Variants in SIPA1L1 observed in about 807,000 individuals in gnomAD.
SIPA1L1 encodes signal-induced proliferation-associated 1-like protein 1.
SIPA1L1 carries 26 observed loss-of-function variants against 162.7 expected under a neutral mutation model. The observed-to-expected ratio is 0.16, with a 90% CI of 0.12 to 0.22. The LOEUF is 0.22. Ranked by LOEUF, SIPA1L1 falls within the 10% of genes least tolerant of loss-of-function variation. The probability of loss-of-function intolerance (pLI) is 1.00; values close to 1 mark genes in which losing one functional copy is unlikely to be tolerated. For missense variants in SIPA1L1, 1,874 were observed against 2,241.0 expected (o/e 0.84, Z 3.31); for synonymous variants, 829 against 837.4 (o/e 0.99, Z 0.17).
chr14:71,397,545 G>A (rs1156391022), intron 2 of SIPA1L1, among the ~76,000 whole-genome samples: 1 of 152,118 alleles, frequency 6.6e-6, no homozygotes, highest in Non-Finnish European at 1.5e-5. Flanking sequence ...ACACATACAG[G>A]CACATATGGT....
At chr14:71,322,845 CTGT>C (rs939256677) in intron 2 of SIPA1L1, among the ~76,000 whole-genome samples, 7 of 152,174 alleles carry the variant, frequency 4.6e-5, no homozygotes, top group Non-Finnish European at 7.3e-5. Flanking sequence ...GTAGGTGTTG[CTGT>C]TGTTAGCTTC....
chr14:71,480,159 T>C (rs999529356), intron 2 of SIPA1L1, among the ~76,000 whole-genome samples: 2 of 151,468 alleles, frequency 1.3e-5, no homozygotes, highest in African/African-American at 4.8e-5. Flanking sequence ...CTTGGCTCAC[T>C]GCAACGTCCA....
In SIPA1L1 at chr14:71,588,691, G is replaced by A; in HGVS notation, c.819G>A (p.Arg273=). 6.2e-7 allele frequency: 1 copy of A among 1,613,976 alleles called. No homozygotes were observed. Among genetic ancestry groups the A allele is most frequent in the Non-Finnish European group, 8.5e-7 (1 of 1,179,978 alleles). Residue 273 remains arginine, a synonymous_variant, in exon 5 of 24, where the codon AGG becomes AGA. Coordinates refer to ENST00000381232, the MANE Select transcript of SIPA1L1 (RefSeq NM_001386936.1). This position sits in a 1 kb window ranked among gnomAD's most constrained non-coding sequence, Gnocchi z 4.3. ...CTATCTCACAGAGAGAGAACCTCAG[G>A]CTTTTTAAGGAAAGGGAAAAACCAC... is the stretch of plus-strand genomic sequence containing the variant. ...DGPISQRENL[R]LFKEREKPLK...
At chr14:71,716,326 A>G (rs2083270639) in intron 17 of SIPA1L1, among the ~76,000 whole-genome samples, 1 of 152,160 alleles carries the variant, frequency 6.6e-6, no homozygotes, top group Admixed American at 6.5e-5. Flanking sequence ...AGGAAACCCG[A>G]TCAGCTCTCC....
chr14:71,590,013 T>A (rs2035065664), intron 5 of SIPA1L1, among the ~76,000 whole-genome samples: 1 of 109,870 alleles, frequency 9.1e-6, no homozygotes, highest in Non-Finnish European at 1.8e-5. Flanking sequence ...TTTCTTTGAG[T>A]GGGAGAGTAA....
rs1017698982 is a variant in SIPA1L1, at chr14:71,330,510, T to G, written c.-465+9329T>G. ...CCCCTTCCTGAAGTCCTGCTCTATG[T>G]GCATCAGAGTCAGGAATCACCTTGG... On this transcript the variant is annotated intron_variant, in intron 2 of 23. Coordinates refer to ENST00000381232, the MANE Select transcript of SIPA1L1 (RefSeq NM_001386936.1). 2.6e-5 allele frequency: 41 copies of G among 1,593,654 alleles called. No individual in the cohort carries two copies. In the Middle Eastern group the frequency reaches 5.6e-4, roughly 22 times the overall value.
intron 7 of SIPA1L1, among the ~76,000 whole-genome samples, chr14:71,628,392 T>C (rs185185691): frequency 6.6e-6 from 1 of 152,194 alleles, no homozygotes; most frequent in Admixed American, 6.5e-5. Flanking sequence ...GTTGAAGAAA[T>C]AGGAGCTGTT....
chr14:71,692,959 C>T (rs1322597886), intron 13 of SIPA1L1, among the ~76,000 whole-genome samples: 1 of 152,126 alleles, frequency 6.6e-6, no homozygotes, highest in East Asian at 1.9e-4. Flanking sequence ...AAGGTCCTGT[C>T]CTTCTGCACT....
chr14:71,391,103 CTTTTTTTTTTT>C (rs36003254), intron 2 of SIPA1L1, among the ~76,000 whole-genome samples: 2 of 108,460 alleles, frequency 1.8e-5, no homozygotes, highest in African/African-American at 3.4e-5. Flanking sequence ...TATTCAGTAT[CTTTTTTTTTTT>C]TTTTTTTTTT....
chr14:71,484,369 C>G (rs983930384), intron 2 of SIPA1L1, among the ~76,000 whole-genome samples: 1 of 147,354 alleles, frequency 6.8e-6, no homozygotes, highest in South Asian at 2.2e-4. Context: ...AATCTAGCTA[C>G]TTAAATATTT....
intron 2 of SIPA1L1, among the ~76,000 whole-genome samples, chr14:71,449,896 G>A (rs1184620561): frequency 6.6e-6 from 1 of 152,182 alleles, no homozygotes. Flanking sequence ...TTAAAATTGA[G>A]AAAATTCTCC....
intron 4 of SIPA1L1, among the ~76,000 whole-genome samples, chr14:71,550,206 C>T (rs1017349233): frequency 1.3e-5 from 2 of 152,084 alleles, no homozygotes; most frequent in East Asian, 1.9e-4. Context: ...GTTGTGATGA[C>T]GCTGCTGCAC....
chr14:71,523,753 A>G (rs891067102), intron 3 of SIPA1L1, among the ~76,000 whole-genome samples: 1 of 152,168 alleles, frequency 6.6e-6, no homozygotes, highest in Non-Finnish European at 1.5e-5. Flanking sequence ...CTACACATTC[A>G]GTTATTTATT....
At chr14:71,547,292 C>CTTT (rs753714304) in intron 4 of SIPA1L1, among the ~76,000 whole-genome samples, 192 of 111,284 alleles carry the variant, frequency 1.7e-3, no homozygotes, top group East Asian at 4.1e-3. Context: ...ATGAAAATAA[C>CTTT]TTTTTTTTTT....
At chr14:71,486,297 G>A (rs1041223073) in intron 2 of SIPA1L1, among the ~76,000 whole-genome samples, 4 of 152,220 alleles carry the variant, frequency 2.6e-5, no homozygotes, top group African/African-American at 7.2e-5. Context: ...AACCACTTGG[G>A]GTGGTGTTTC....
intron 20 of SIPA1L1, among the ~76,000 whole-genome samples, chr14:71,733,060 A>G (rs2084949284): frequency 6.6e-6 from 1 of 152,098 alleles, no homozygotes; most frequent in Admixed American, 6.5e-5. Context: ...AAAATACAAA[A>G]ATTAGCCGGG....
chr14:71,618,327 T>C (rs2039058784), intron 5 of SIPA1L1, among the ~76,000 whole-genome samples: 1 of 152,204 alleles, frequency 6.6e-6, no homozygotes, highest in Non-Finnish European at 1.5e-5. Context: ...GACATCTTTT[T>C]TAATCTGGTG....
intron 2 of SIPA1L1, among the ~76,000 whole-genome samples, chr14:71,409,519 G>C (rs2042258714): frequency 6.6e-6 from 1 of 152,170 alleles, no homozygotes; most frequent in Non-Finnish European, 1.5e-5. Flanking sequence ...GGAAGGGAAA[G>C]GTGAAAACTA....
intron 2 of SIPA1L1, among the ~76,000 whole-genome samples, chr14:71,426,540 G>GT (rs34001727): frequency 0.42 from 61,437 of 147,866 alleles, 13,488 homozygotes; most frequent in Admixed American, 0.51. Flanking sequence ...ATAGGCTGGA[G>GT]TGCAAGTGGT....
Sources: gnomAD v4.1 joint callset for allele counts (sites outside exome capture counted in the v4.1 genomes callset) on GRCh38, gnomAD v4.1.1 for gene constraint, Gnocchi (gnomAD v3.1) non-coding constraint, MANE v1.5 for transcripts, NCBI Gene and HGNC (gene_info 2026-07-23, HGNC 2026-07-21) for gene names.